Variants in RGPD5 observed in about 807,000 individuals in gnomAD.
The protein encoded by RGPD5 is RANBP2-like and GRIP domain-containing protein 5/6.
At chr2:109,767,403 A>G in the RGPD5 span, among the ~76,000 whole-genome samples, 2 of 142,352 alleles carry the variant, frequency 1.4e-5, no homozygotes, top group Non-Finnish European at 3.0e-5. Context: ...TCTATTAACC[A>G]TTACATAATC....
At chr2:109,767,345 G>GT in the RGPD5 span, among the ~76,000 whole-genome samples, 1 of 148,862 alleles carries the variant, frequency 6.7e-6, no homozygotes, top group African/African-American at 2.5e-5. Flanking sequence ...TCATAGTCCA[G>GT]CAGACAAATA....
At chr2:109,799,034 C>T (rs1225694827) in intron 1 of RGPD5, among the ~76,000 whole-genome samples, 2 of 22,026 alleles carry the variant, frequency 9.1e-5, no homozygotes, top group East Asian at 1.2e-3. Context: ...CTTTGGGAGG[C>T]GGAAGAAGTC....
chr2:109,778,789 AAGTGATTCTC>A, the RGPD5 span, among the ~76,000 whole-genome samples: 1 of 135,208 alleles, frequency 7.4e-6, no homozygotes, highest in Non-Finnish European at 1.6e-5. Flanking sequence ...TCCCAGGTTC[AAGTGATTCTC>A]CTGCCTCAGC....
chr2:109,767,346 C>A, the RGPD5 span, among the ~76,000 whole-genome samples: 1 of 148,848 alleles, frequency 6.7e-6, no homozygotes, highest in African/African-American at 2.5e-5. Context: ...CATAGTCCAG[C>A]AGACAAATAT....
the RGPD5 span, among the ~76,000 whole-genome samples, chr2:109,761,468 G>A: frequency 3.4e-5 from 5 of 148,758 alleles, no homozygotes. Flanking sequence ...GTATCCCTTT[G>A]TGCCACGCTC....
chr2:109,765,307 G>A, the RGPD5 span, among the ~76,000 whole-genome samples: 1 of 148,184 alleles, frequency 6.7e-6, no homozygotes, highest in African/African-American at 2.5e-5. Flanking sequence ...ACACGTAAGT[G>A]AAACAAGAGC....
chr2:109,765,838 C>A, the RGPD5 span, among the ~76,000 whole-genome samples: 2 of 150,802 alleles, frequency 1.3e-5, no homozygotes, highest in African/African-American at 2.4e-5. Flanking sequence ...CATGCGCAGG[C>A]CAGTGGGCGG....
chr2:109,765,316 G>T, the RGPD5 span, among the ~76,000 whole-genome samples: 1 of 148,534 alleles, frequency 6.7e-6, no homozygotes, highest in Non-Finnish European at 1.5e-5. Context: ...TGAAACAAGA[G>T]CATCATGAAA....
chr2:109,778,664 T>C, the RGPD5 span, among the ~76,000 whole-genome samples: 2 of 143,302 alleles, frequency 1.4e-5, no homozygotes, highest in East Asian at 2.1e-4. Flanking sequence ...TTAGGTTCTC[T>C]TAGATATGGG....
At chr2:109,773,118 T>C in the RGPD5 span, among the ~76,000 whole-genome samples, 2 of 152,228 alleles carry the variant, frequency 1.3e-5, no homozygotes, top group East Asian at 1.9e-4. Context: ...GTGGGCGTTA[T>C]CAGCATACAG....
chr2:109,774,532 T>TATATATAAA, the RGPD5 span, among the ~76,000 whole-genome samples: 1 of 91,636 alleles, frequency 1.1e-5, no homozygotes, highest in Non-Finnish European at 1.9e-5. Flanking sequence ...TTATATATAT[T>TATATATAAA]ATATATAAAA....
the RGPD5 span, among the ~76,000 whole-genome samples, chr2:109,763,824 A>G: frequency 1.2e-4 from 18 of 149,550 alleles, 1 homozygote; most frequent in South Asian, 8.8e-4. Flanking sequence ...TCATTTTCCA[A>G]TTGAACAAAT....
chr2:109,766,263 T>C, the RGPD5 span, among the ~76,000 whole-genome samples: 1 of 151,138 alleles, frequency 6.6e-6, no homozygotes, highest in Admixed American at 6.7e-5. Flanking sequence ...AAGGGGCTGC[T>C]CATCAGCCTG....
chr2:109,770,027 C>T, the RGPD5 span, among the ~76,000 whole-genome samples: 2 of 108,204 alleles, frequency 1.8e-5, 1 homozygote, highest in Non-Finnish European at 3.6e-5. Flanking sequence ...ATAAATAGTA[C>T]AAATAACAGG....
the RGPD5 span, among the ~76,000 whole-genome samples, chr2:109,777,467 TGGATTTGTTTTGCTA>T: frequency 1.5e-5 from 2 of 132,570 alleles, no homozygotes; most frequent in East Asian, 4.6e-4. Flanking sequence ...TATATATCAC[TGGATTTGTTTTGCTA>T]GTATTTTGTT....
the RGPD5 span, among the ~76,000 whole-genome samples, chr2:109,764,322 C>G: frequency 6.1e-5 from 9 of 146,358 alleles, no homozygotes; most frequent in Non-Finnish European, 1.3e-4. Context: ...CCCCTCCACT[C>G]CCTGGTCTTC....
chr2:109,777,292 T>G, the RGPD5 span, among the ~76,000 whole-genome samples: 1 of 148,880 alleles, frequency 6.7e-6, no homozygotes, highest in Admixed American at 6.9e-5. Flanking sequence ...CTACATGTAT[T>G]GAGATGGTCA....
chr2:109,760,690 C>T, the RGPD5 span, among the ~76,000 whole-genome samples: 1 of 145,740 alleles, frequency 6.9e-6, no homozygotes, highest in African/African-American at 2.5e-5. Flanking sequence ...GCGGCGGTAG[C>T]GGCGGCGGCG....
chr2:109,761,602 AT>A, the RGPD5 span, among the ~76,000 whole-genome samples: 5 of 145,004 alleles, frequency 3.4e-5, 1 homozygote, highest in East Asian at 8.7e-4. Flanking sequence ...TAAAAATCCC[AT>A]TGGCTGCTTT....
Sources: allele counts gnomAD v4.1 joint callset (sites outside exome capture counted in the v4.1 genomes callset), GRCh38; gene constraint gnomAD v4.1.1; transcripts MANE v1.5; gene names NCBI Gene and HGNC (gene_info 2026-07-23, HGNC 2026-07-21).